The following RDH13 variants were observed in gnomAD, a reference collection of about 807,000 sequenced individuals.
The protein encoded by RDH13 is retinol dehydrogenase 13, also known as retinol dehydrogenase 13 (all-trans and 9-cis).
In RDH13, 35 loss-of-function variants were observed where a neutral mutation model predicts 28.3. The ratio of observed to expected loss-of-function variants is 1.24; its 90% CI spans 0.95 to 1.64. The LOEUF (loss-of-function observed/expected upper bound fraction) is 1.64. RDH13 is among the 40% of genes most tolerant of loss of function. The probability of loss-of-function intolerance (pLI) is 0.00; values close to 1 mark genes in which losing one functional copy is unlikely to be tolerated. For missense variants in RDH13, 514 were observed against 446.3 expected (o/e 1.15, Z -1.37); for synonymous variants, 229 against 198.5 (o/e 1.15, Z -1.29).
intron 2 of RDH13, among the ~76,000 whole-genome samples, chr19:55,057,269 T>C (rs577886936): frequency 8.1e-4 from 123 of 152,226 alleles, no homozygotes; most frequent in Non-Finnish European, 1.1e-3. Flanking sequence ...ATAGTTACAG[T>C]GAGCAGGTTT....
At chr19:55,048,802 G>A in intron 3 of RDH13, 39 bp from the exon 4 acceptor site, 1 of 1,544,190 alleles carries the variant, frequency 6.5e-7, no homozygotes, top group African/African-American at 1.4e-5. Flanking sequence ...TCCCGGTGAG[G>A]ACAGACCCCA....
intron 1 of RDH13, among the ~76,000 whole-genome samples, chr19:55,059,833 A>G (rs1389494080): frequency 6.6e-6 from 1 of 152,162 alleles, no homozygotes; most frequent in Non-Finnish European, 1.5e-5. Context: ...AGCCACTTTG[A>G]CCCAATCTGG....
chr19:55,050,501 G>A lies in RDH13; in HGVS notation c.341-1738C>T, dbSNP rs149633629. On this transcript the variant is annotated intron_variant, in intron 3 of 6. Transcript: ENST00000415061. ...TACAGTGGCGCAATCACTGCTCACT[G>A]CAGCCTCAACCTCCCAGGCTCAAGC... Among the ~76,000 whole-genome samples the A allele has an allele frequency of 6.3e-3, 951 of 152,160 alleles. 3 individuals carry two copies. The highest frequency in any genetic ancestry group is 0.01 in the Middle Eastern group (3 of 294).
intron 1 of RDH13, among the ~76,000 whole-genome samples, 162 bp downstream of exon 1, chr19:55,062,806 T>C (rs1417280261): frequency 6.6e-6 from 1 of 152,256 alleles, no homozygotes; most frequent in Non-Finnish European, 1.5e-5. Flanking sequence ...GCCGGTGACC[T>C]GGCCGGCCAG....
downstream of RDH13, chr19:55,042,408 C>T (rs558416933): frequency 1.8e-4 from 27 of 152,304 alleles, no homozygotes; most frequent in African/African-American, 6.3e-4. Context: ...AGTTCTTCTG[C>T]CTCAGCCTCC....
intron 3 of RDH13, among the ~76,000 whole-genome samples, chr19:55,056,022 C>T (rs890916612): frequency 5.9e-5 from 9 of 151,862 alleles, no homozygotes; most frequent in Middle Eastern, 6.8e-3. Context: ...GGCACGGTGG[C>T]GGGTGCCTGT....
chr19:55,045,620 A>C (rs2075197637), intron 6 of RDH13, among the ~76,000 whole-genome samples: 1 of 152,084 alleles, frequency 6.6e-6, no homozygotes. Context: ...ATAACATCTT[A>C]TTAAATGCAC....
chr19:55,054,550 C>T (rs2075568103), intron 3 of RDH13, among the ~76,000 whole-genome samples: 1 of 152,080 alleles, frequency 6.6e-6, no homozygotes, highest in Non-Finnish European at 1.5e-5. Flanking sequence ...CGCATCATTG[C>T]ACTCCAGCCT....
upstream of RDH13, among the ~76,000 whole-genome samples, chr19:55,065,348 C>T (rs2075941794): frequency 1.3e-5 from 2 of 151,566 alleles, no homozygotes; most frequent in African/African-American, 2.4e-5. Flanking sequence ...TGTGCCACTG[C>T]ACCCCAGGCT....
At chr19:55,049,148 G>A (rs983387640) in intron 3 of RDH13, among the ~76,000 whole-genome samples, 8 of 152,164 alleles carry the variant, frequency 5.3e-5, no homozygotes, top group African/African-American at 1.4e-4. Context: ...TTCCGGAACC[G>A]TGAGGGAATG....
upstream of RDH13, chr19:55,064,430 A>G (rs1386200806): frequency 6.7e-6 from 1 of 150,332 alleles, no homozygotes; most frequent in Non-Finnish European, 1.5e-5. Flanking sequence ...AAAAAAAAAA[A>G]CCTTAGGCCT....
At chr19:55,062,072 G>A (rs62124164) in intron 1 of RDH13, among the ~76,000 whole-genome samples, 15,319 of 151,898 alleles carry the variant, frequency 0.1, 883 homozygotes, top group Non-Finnish European at 0.13. Flanking sequence ...AGCCGAGGTC[G>A]TGCCATTGCA....
At chr19:55,066,146 C>T (rs1469489687), upstream of RDH13, among the ~76,000 whole-genome samples, 1 of 152,200 alleles carries the variant, frequency 6.6e-6, no homozygotes, top group Non-Finnish European at 1.5e-5. Flanking sequence ...GCATATTCCT[C>T]CTCTGAGGAT....
At position 55,056,785 on chromosome 19, in the gene RDH13, G is replaced by T. The variant is rs767005997; in HGVS notation, c.208C>A (p.Arg70=). The T allele has an allele frequency of 1.9e-4, 305 of 1,613,994 alleles. 1 individual carries two copies. Among genetic ancestry groups the T allele is most frequent in the Non-Finnish European group, 1.8e-4 (209 of 1,179,992 alleles). The part of the protein sequence containing the change: ...RRGGNIILAC[R]DMEKCEAAAK... ...GCCGCCTCACACTTCTCCATGTCTCGGCAGGCCAGGATGATGTTGCCTCCT... is the reference window on the plus strand; with the variant it reads ...GCCGCCTCACACTTCTCCATGTCTCTGCAGGCCAGGATGATGTTGCCTCCT... Residue 70 remains arginine, a synonymous_variant, in exon 3 of 7, where the codon CGA becomes AGA. Coordinates refer to ENST00000415061, the MANE Select transcript of RDH13 (RefSeq NM_001145971.2).
At chr19:55,062,543 G>C (rs1602819342) in intron 1 of RDH13, among the ~76,000 whole-genome samples, 1 of 152,132 alleles carries the variant, frequency 6.6e-6, no homozygotes, top group Non-Finnish European at 1.5e-5. Context: ...TTAGCCGGGC[G>C]TGGTGGCGCA....
At chr19:55,068,077 T>C (rs1350909073), upstream of RDH13, among the ~76,000 whole-genome samples, 1 of 136,084 alleles carries the variant, frequency 7.3e-6, no homozygotes, top group Non-Finnish European at 1.6e-5. Context: ...TCTCTTTCTC[T>C]CCCCCTTCCT....
At chr19:55,050,329 C>A (rs1267932964) in intron 3 of RDH13, among the ~76,000 whole-genome samples, 1 of 152,102 alleles carries the variant, frequency 6.6e-6, no homozygotes, top group Non-Finnish European at 1.5e-5. Flanking sequence ...GTTGGCCAGG[C>A]TAGTCTCACA....
In RDH13 at chr19:55,045,258, C is replaced by A. The variant is rs752752346; in HGVS notation, c.812G>T (p.Ser271Ile). 24 of 1,613,232 alleles carry A rather than the reference C, an allele frequency of 1.5e-5. No individual in the cohort carries two copies. The South Asian group carries it at 2.5e-4, about 17-fold the overall frequency. Residue 271 changes from serine (S) to isoleucine (I), a missense_variant, in exon 7 of 7, where the codon AGC becomes ATC. Coordinates refer to ENST00000415061, the MANE Select transcript of RDH13 (RefSeq NM_001145971.2). ...VKSPELAAQP[S>I]TYLAVAEELA... Reference sequence around the variant, plus strand: ...TTCCTCCGCCACGGCCAGGTATGTGCTGGGCTGGGCGGCCAGCTCGGGGCT... The same window carrying A: ...TTCCTCCGCCACGGCCAGGTATGTGATGGGCTGGGCGGCCAGCTCGGGGCT...
At chr19:55,048,016 G>A (rs547717262) in intron 5 of RDH13, 82 of 1,395,156 alleles carry the variant, frequency 5.9e-5, no homozygotes, top group East Asian at 1.9e-4. Flanking sequence ...TGACAACTGC[G>A]GGTCAAAACT....
Sources: gnomAD v4.1 joint callset for allele counts (sites outside exome capture counted in the v4.1 genomes callset) on GRCh38, gnomAD v4.1.1 for gene constraint, MANE v1.5 for transcripts, NCBI Gene and HGNC (gene_info 2026-07-23, HGNC 2026-07-21) for gene names.